The following ADGRL3 variants were observed in gnomAD, a reference collection of about 807,000 sequenced individuals.
The protein encoded by ADGRL3 is adhesion G protein-coupled receptor L3.
In ADGRL3, 62 loss-of-function variants were observed where a neutral mutation model predicts 153.5. The ratio of observed to expected loss-of-function variants is 0.40; its 90% CI spans 0.33 to 0.50. ADGRL3 has a LOEUF of 0.50. ADGRL3 is among the 20% of genes least tolerant of loss of function. The probability of loss-of-function intolerance (pLI) is 0.47; values close to 1 mark genes in which losing one functional copy is unlikely to be tolerated. For missense variants in ADGRL3, 1,641 were observed against 1,859.4 expected, an observed-to-expected ratio of 0.88 and a Z score of 2.16; for synonymous variants, 710 against 672.5, an observed-to-expected ratio of 1.06 and a Z score of -0.86.
Position 62,078,012 on chromosome 4 carries a change from C to T in ADGRL3, c.*7104C>T, listed in dbSNP as rs1747691874. The T allele has an allele frequency of 3.3e-5, 5 of 151,964 alleles. No homozygotes were observed. In the South Asian group the frequency reaches 8.3e-4, roughly 25 times the overall value. 9.4% of individuals were successfully genotyped at this position (151,964 alleles called of 1,614,324 possible). ...ACTTTTTCCATACTGTTTTCCCCCT[C>T]ACCAAGCATTAAATCTAATTCAAAA... On this transcript the variant is annotated 3_prime_UTR_variant, in exon 27 of 27. Coordinates refer to ENST00000683033, the MANE Select transcript of ADGRL3 (RefSeq NM_001387552.1).
chr4:61,918,253 G>T (rs1455938218), intron 13 of ADGRL3, among the ~76,000 whole-genome samples: 2 of 152,194 alleles, frequency 1.3e-5, no homozygotes, highest in Admixed American at 6.5e-5. Flanking sequence ...GAAGGATGAA[G>T]TCGTGGTTTG....
intron 1 of ADGRL3, among the ~76,000 whole-genome samples, chr4:61,345,088 A>T (rs548599416): frequency 6.6e-6 from 1 of 151,778 alleles, no homozygotes; most frequent in Non-Finnish European, 1.5e-5. Flanking sequence ...GTGAGACATC[A>T]CGCCCGGCCT....
chr4:61,932,027 A>G (rs894497461), intron 13 of ADGRL3, among the ~76,000 whole-genome samples: 1 of 152,052 alleles, frequency 6.6e-6, no homozygotes, highest in African/African-American at 2.4e-5. Flanking sequence ...ACACACACAT[A>G]TACATTCATA....
intron 1 of ADGRL3, among the ~76,000 whole-genome samples, chr4:61,234,505 A>T (rs906930859): frequency 6.6e-6 from 1 of 152,142 alleles, no homozygotes; most frequent in Non-Finnish European, 1.5e-5. Flanking sequence ...GAGACCAAGT[A>T]TATGGTTTAA....
At chr4:61,398,116 A>G (rs1322090083) in intron 2 of ADGRL3, among the ~76,000 whole-genome samples, 2 of 151,924 alleles carry the variant, frequency 1.3e-5, no homozygotes, top group African/African-American at 4.8e-5. Context: ...TCATTGAACA[A>G]TGTCTCACTG....
In ADGRL3 at chr4:61,974,095, G is replaced by A. The variant is rs2150718066; in HGVS notation, c.2806-5468G>A. On this transcript the variant is annotated intron_variant, in intron 17 of 26. Coordinates refer to ENST00000683033, the MANE Select transcript of ADGRL3 (RefSeq NM_001387552.1). ...CCATCCTGCCACCTCAGCTTCCTGA[G>A]TAGCTGTGACTACAGGCACCCTCCA... is the stretch of plus-strand genomic sequence containing the variant. Among the ~76,000 whole-genome samples, 2 of 152,184 alleles carry A rather than the reference G, an allele frequency of 1.3e-5. 1 individual carries two copies. Among genetic ancestry groups the A allele is most frequent in the South Asian group, 4.2e-4 (2 of 4,816 alleles).
At position 62,018,143 on chromosome 4, in the gene ADGRL3, T is replaced by A. The variant is rs1018069488; in HGVS notation, c.3396-10712T>A. 1.1e-4 allele frequency among the ~76,000 whole-genome samples: 16 copies of A among 152,296 alleles called. No homozygotes were observed. The East Asian group carries it at 3.1e-3, about 29-fold the overall frequency. ...GTCATAAAATATAACTAGTTATGGA[T>A]GACACACTTTAACCTGGTAGGTGCT... On this transcript the variant is annotated intron_variant, in intron 21 of 26. Coordinates refer to ENST00000683033, the MANE Select transcript of ADGRL3 (RefSeq NM_001387552.1).
At chr4:61,285,348 G>A (rs1359235291) in intron 1 of ADGRL3, among the ~76,000 whole-genome samples, 1 of 151,776 alleles carries the variant, frequency 6.6e-6, no homozygotes, top group African/African-American at 2.4e-5. Flanking sequence ...ACTGTTCTGT[G>A]TTTCAAGTCA....
intron 17 of ADGRL3, among the ~76,000 whole-genome samples, chr4:61,973,592 A>G (rs1269317134): frequency 2.0e-5 from 3 of 152,142 alleles, no homozygotes; most frequent in East Asian, 3.9e-4. Context: ...TTCTGAAACT[A>G]TCTTCTGAGG....
At chr4:61,821,681 GA>G (rs1256939441) in intron 9 of ADGRL3, among the ~76,000 whole-genome samples, 1 of 151,966 alleles carries the variant, frequency 6.6e-6, no homozygotes, top group Non-Finnish European at 1.5e-5. Flanking sequence ...TTTCACATTT[GA>G]AAAATTACAA....
chr4:61,251,044 A>G (rs945990128), intron 1 of ADGRL3, among the ~76,000 whole-genome samples: 33 of 152,208 alleles, frequency 2.2e-4, no homozygotes, highest in Non-Finnish European at 3.7e-4. Context: ...TGCTGTATAA[A>G]AAACTTCCCA....
intron 17 of ADGRL3, among the ~76,000 whole-genome samples, chr4:61,962,227 A>G (rs1389610497): frequency 1.3e-5 from 2 of 152,142 alleles, no homozygotes; most frequent in South Asian, 2.1e-4. Context: ...TGGCAGAACA[A>G]GCCTCCATCT....
chr4:61,902,585 TCTC>T (rs2098670560), intron 11 of ADGRL3, among the ~76,000 whole-genome samples: 2 of 152,058 alleles, frequency 1.3e-5, no homozygotes, highest in South Asian at 4.1e-4. Flanking sequence ...TACTTACTCT[TCTC>T]CTTGCTCACC....
chr4:61,451,878 G>A (rs1428191710), intron 2 of ADGRL3, among the ~76,000 whole-genome samples: 1 of 152,114 alleles, frequency 6.6e-6, no homozygotes, highest in East Asian at 1.9e-4. Context: ...AGAAGTAATA[G>A]GAAGATATGA....
At chr4:61,976,146 TC>T (rs1419009621) in intron 17 of ADGRL3, among the ~76,000 whole-genome samples, 2 of 152,180 alleles carry the variant, frequency 1.3e-5, no homozygotes, top group Non-Finnish European at 2.9e-5. Context: ...ATTGATATAA[TC>T]CCTGCTCTCA....
chr4:61,937,693 G>A (rs1463633055), intron 15 of ADGRL3, among the ~76,000 whole-genome samples: 2 of 152,190 alleles, frequency 1.3e-5, no homozygotes, highest in East Asian at 3.9e-4. Flanking sequence ...CAGGCAGTAA[G>A]TTCCATGAAA....
chr4:61,860,606 T>C (rs1219536608), intron 9 of ADGRL3, among the ~76,000 whole-genome samples: 1 of 152,092 alleles, frequency 6.6e-6, no homozygotes, highest in African/African-American at 2.4e-5. Flanking sequence ...CATTATACAA[T>C]TCTTATCCAC....
At chr4:61,781,380 G>A (rs2097212682) in intron 8 of ADGRL3, among the ~76,000 whole-genome samples, 1 of 146,952 alleles carries the variant, frequency 6.8e-6, no homozygotes. Context: ...AGAAAGTGTT[G>A]TCTCACTTAA....
At chr4:61,615,121 T>C (rs1032639927) in intron 5 of ADGRL3, among the ~76,000 whole-genome samples, 1 of 152,156 alleles carries the variant, frequency 6.6e-6, no homozygotes, top group Non-Finnish European at 1.5e-5. Context: ...GGCATAATGA[T>C]TAAAAATGAG....
Sources: gnomAD v4.1 joint callset for allele counts (sites outside exome capture counted in the v4.1 genomes callset) on GRCh38, gnomAD v4.1.1 for gene constraint, MANE v1.5 for transcripts, NCBI Gene and HGNC (gene_info 2026-07-23, HGNC 2026-07-21) for gene names.